Variants in ACO1 observed in about 807,000 individuals in gnomAD.
ACO1 encodes cytoplasmic aconitate hydratase.
ACO1 carries 78 observed loss-of-function variants against 105.1 expected under a neutral mutation model. The ratio of observed to expected loss-of-function variants is 0.74; its 90% confidence interval spans 0.62 to 0.90. The LOEUF is 0.90. ACO1 is among the 40% of genes least tolerant of loss of function. The pLI, the probability that ACO1 is intolerant of heterozygous loss-of-function variation, is 0.00. For synonymous variants in ACO1, 364 were observed against 397.4 expected (o/e 0.92, Z 1.00); for missense variants, 965 against 1,111.1 (o/e 0.87, Z 1.87).
At chr9:32,399,836 T>C (rs1019645397) in intron 1 of ACO1, among the ~76,000 whole-genome samples, 2 of 151,962 alleles carry the variant, frequency 1.3e-5, no homozygotes, top group Non-Finnish European at 2.9e-5. Flanking sequence ...TTCAAATGCG[T>C]TTAAAAGTCA....
intron 6 of ACO1, 139 bp downstream of exon 6, chr9:32,418,650 C>T: frequency 2.0e-6 from 2 of 991,732 alleles, no homozygotes; most frequent in Non-Finnish European, 3.0e-6. Flanking sequence ...GCTGTTTTTC[C>T]AGTGCCTAGA....
Position 32,449,991 on chromosome 9 carries a change from G to T in ACO1, c.2557-7G>T. 6.2e-7 allele frequency: 1 copy of T among 1,611,622 alleles called. No individual in the cohort carries two copies. Among genetic ancestry groups the T allele is most frequent in the Non-Finnish European group, 8.5e-7 (1 of 1,177,916 alleles). On this transcript the variant is annotated splice_polypyrimidine_tract_variant and splice_region_variant and intron_variant, in intron 20 of 20. Transcript: ENST00000309951. ...CTCAATGATGCTTCTGTTTCTTTGT[G>T]CCACAGCTGGATACTGGCAAGACCT...
intron 1 of ACO1, among the ~76,000 whole-genome samples, chr9:32,394,559 A>G (rs1406702312): frequency 1.3e-5 from 2 of 152,220 alleles, no homozygotes; most frequent in Non-Finnish European, 2.9e-5. Context: ...ACCCAGTGAA[A>G]TAGAGCAGCT....
rs1371648525 is a variant in ACO1, at chr9:32,448,982, C to G, written c.2457C>G (p.Leu819=). ...TGGGTGTGATCCCACTTGAATATCT[C>G]CCTGGTGAGAATGCAGATGCCCTGG... ...VGMGVIPLEY[L]PGENADALGL... Residue 819 remains leucine, a synonymous_variant, in exon 20 of 21, where the codon CTC becomes CTG. Transcript: ENST00000309951. 1 of 1,614,050 alleles carries G rather than the reference C, an allele frequency of 6.2e-7. No individual in the cohort carries two copies. The highest frequency in any genetic ancestry group is 1.1e-5 in the South Asian group (1 of 91,078).
intron 19 of ACO1, among the ~76,000 whole-genome samples, chr9:32,444,197 C>T (rs1822547620): frequency 1.3e-5 from 2 of 152,178 alleles, no homozygotes; most frequent in South Asian, 2.1e-4. Context: ...ATATGTGCCA[C>T]GTTTTCTTAA....
chr9:32,420,104 A>G (rs1383538044), intron 7 of ACO1, among the ~76,000 whole-genome samples: 1 of 152,220 alleles, frequency 6.6e-6, no homozygotes, highest in Non-Finnish European at 1.5e-5. Flanking sequence ...GCAGAATTCC[A>G]TATTACCAAA....
At chr9:32,446,301 T>C (rs983045398) in intron 19 of ACO1, among the ~76,000 whole-genome samples, 1 of 152,212 alleles carries the variant, frequency 6.6e-6, no homozygotes, top group Non-Finnish European at 1.5e-5. Flanking sequence ...ATATTTAGGA[T>C]AGTTAGCTCT....
intron 1 of ACO1, among the ~76,000 whole-genome samples, chr9:32,384,999 C>A (rs1302597529): frequency 1.3e-5 from 2 of 152,246 alleles, no homozygotes; most frequent in Non-Finnish European, 1.5e-5. Flanking sequence ...TTAGCCTTGG[C>A]TGTGCGTGCT....
At chr9:32,421,095 A>T (rs1821965304) in intron 8 of ACO1, 68 bp downstream of exon 8, 2 of 1,530,964 alleles carry the variant, frequency 1.3e-6, no homozygotes, top group South Asian at 1.2e-5. Context: ...GAATCTGAGC[A>T]CTGCCTTCTG....
intron 6 of ACO1, 61 bp downstream of exon 6, chr9:32,418,572 T>C: frequency 6.7e-7 from 1 of 1,491,784 alleles, no homozygotes; most frequent in South Asian, 1.3e-5. Context: ...GTGATTCTAT[T>C]ACATCTCAGT....
intron 4 of ACO1, 147 bp downstream of exon 4, chr9:32,408,798 T>A: frequency 1.0e-6 from 1 of 969,668 alleles, no homozygotes; most frequent in Non-Finnish European, 1.4e-6. Context: ...CATTTCGCAG[T>A]AAAGATGTTT....
chr9:32,418,570 A>G (rs1379904065), intron 6 of ACO1, 59 bp downstream of exon 6: 27 of 1,515,446 alleles, frequency 1.8e-5, no homozygotes, highest in African/African-American at 1.1e-4. Flanking sequence ...CTGTGATTCT[A>G]TTACATCTCA....
At position 32,434,596 on chromosome 9, in the gene ACO1, C is replaced by T. The variant is rs137954533; in HGVS notation, c.1994C>T (p.Ala665Val). 1.7e-5 allele frequency: 27 copies of T among 1,613,964 alleles called. No homozygotes were observed. The African/African-American group carries it at 3.2e-4, about 19-fold the overall frequency. Residue 665 changes from alanine to valine, a missense_variant, in exon 17 of 21, where the codon GCC becomes GTC. Coordinates refer to ENST00000309951, the MANE Select transcript of ACO1 (RefSeq NM_002197.3). ...DLQPPKSIVD[A>V]YVLLNLGDSV... ...CAGCCCCCTAAATCTATAGTGGATG[C>T]CTATGTGCTGCTAAATTTGGGAGAT...
intron 9 of ACO1, among the ~76,000 whole-genome samples, chr9:32,424,100 TCA>T (rs1425811803): frequency 1.3e-5 from 2 of 152,218 alleles, no homozygotes; most frequent in Non-Finnish European, 2.9e-5. Context: ...GGGGAAATGT[TCA>T]GTTAGACTAA....
At chr9:32,410,570 G>C (rs536576716) in intron 4 of ACO1, among the ~76,000 whole-genome samples, 12 of 151,474 alleles carry the variant, frequency 7.9e-5, no homozygotes, top group Non-Finnish European at 1.6e-4. Context: ...AAAAAAAAAA[G>C]AGTACCTGAT....
chr9:32,393,476 C>T (rs776697498), intron 1 of ACO1, among the ~76,000 whole-genome samples: 1 of 152,090 alleles, frequency 6.6e-6, no homozygotes, highest in African/African-American at 2.4e-5. Context: ...AATGCATGCC[C>T]GAAACTTCAT....
At chr9:32,417,191 A>G (rs1222982034) in intron 4 of ACO1, among the ~76,000 whole-genome samples, 1 of 152,192 alleles carries the variant, frequency 6.6e-6, no homozygotes, top group African/African-American at 2.4e-5. Flanking sequence ...AAATGTGGCT[A>G]TTAGTTGCAC....
At chr9:32,405,663 A>G in intron 2 of ACO1, 60 bp downstream of exon 2, 1 of 1,241,106 alleles carries the variant, frequency 8.1e-7, no homozygotes, top group Non-Finnish European at 1.2e-6. Context: ...AGGCTATGTA[A>G]TTAATTACAC....
intron 1 of ACO1, among the ~76,000 whole-genome samples, chr9:32,403,044 G>C (rs143813394): frequency 3.3e-5 from 5 of 152,320 alleles, no homozygotes; most frequent in Admixed American, 6.5e-5. Context: ...TGAGTCTCTT[G>C]TGAGAGGATT....
Sources: allele counts gnomAD v4.1 joint callset (sites outside exome capture counted in the v4.1 genomes callset), GRCh38; gene constraint gnomAD v4.1.1; transcripts MANE v1.5; gene names NCBI Gene and HGNC (gene_info 2026-07-23, HGNC 2026-07-21).